The following MALT1 variants were observed in gnomAD, a reference collection of about 807,000 sequenced individuals.
The protein encoded by MALT1 is mucosa-associated lymphoid tissue lymphoma translocation protein 1.
Under a neutral mutation model 85.5 loss-of-function variants are expected in MALT1, and 36 were observed. That is an observed-to-expected ratio of 0.42 (90% confidence interval 0.32 to 0.56). The LOEUF (loss-of-function observed/expected upper bound fraction) is 0.56. Ranked by LOEUF, MALT1 falls within the 20% of genes least tolerant of loss-of-function variation. MALT1 has a pLI of 0.10. For missense variants in MALT1, 716 were observed against 981.6 expected, an observed-to-expected ratio of 0.73 and a Z score of 3.62; for synonymous variants, 359 against 361.3, an observed-to-expected ratio of 0.99 and a Z score of 0.07.
At chr18:58,680,640 TG>T (rs909562965) in intron 1 of MALT1, among the ~76,000 whole-genome samples, 1 of 152,224 alleles carries the variant, frequency 6.6e-6, no homozygotes, top group African/African-American at 2.4e-5. Context: ...ATCCTGTTTC[TG>T]GGTTTCTCAT....
rs779797395 is a variant in MALT1, at chr18:58,741,987, C to T, written c.1726C>T (p.Arg576Trp). 5.8e-6 allele frequency: 9 copies of T among 1,543,052 alleles called. No individual in the cohort carries two copies. The highest frequency in any genetic ancestry group is 1.3e-5 in the African/African-American group (1 of 74,206). The change falls in exon 14 of 17, where the codon CGG becomes TGG. Residue 576 changes from arginine (R) to tryptophan (W), a missense_variant. By Grantham distance (101) the Arg-to-Trp change is moderately radical. Transcript: ENST00000649217. ...GTEYSAESLV[R>W]NLQWAKAHEL... ...AGAATATTCTGCTGAATCTCTTGTG[C>T]GGAATCTACAGTGGGCCAAGGCTCA... is the stretch of plus-strand genomic sequence containing the variant.
At chr18:58,708,047 C>T (rs1180998018) in intron 4 of MALT1, among the ~76,000 whole-genome samples, 2 of 152,146 alleles carry the variant, frequency 1.3e-5, no homozygotes, top group Non-Finnish European at 2.9e-5. Flanking sequence ...CTCAGGGGGT[C>T]TGAGACCCCC....
Position 58,696,337 on chromosome 18 carries a change from ATTTTTTTTTTT to A in MALT1, c.377-13_377-3del. On this transcript the variant is annotated intron_variant, in intron 2 of 16. Coordinates refer to ENST00000649217, the MANE Select transcript of MALT1 (RefSeq NM_006785.4). Reference sequence around the variant, plus strand: ...AAGGAAAATCCCTCTTGTGACTTTAATTTTTTTTTTTTTTTTTTTTTTTTTTAGGAATAAAG... The same window carrying A: ...AAGGAAAATCCCTCTTGTGACTTTAATTTTTTTTTTTTTTTAGGAATAAAG... 4 of 990,746 alleles carry A rather than the reference ATTTTTTTTTTT, an allele frequency of 4.0e-6. No homozygotes were observed. The highest frequency in any genetic ancestry group is 2.9e-5 in the South Asian group (1 of 34,142). 61.4% of individuals were successfully genotyped at this position (990,746 alleles called of 1,614,324 possible). A position where few individuals can be genotyped will look rare whatever the true frequency, so the allele number is the denominator to read the frequency against.
chr18:58,698,847 G>T (rs754935754), intron 3 of MALT1, among the ~76,000 whole-genome samples: 1 of 152,198 alleles, frequency 6.6e-6, no homozygotes, highest in Non-Finnish European at 1.5e-5. Context: ...AAAGTTTGTG[G>T]TAATGTTGTT....
chr18:58,730,735 C>G (rs1338218137), intron 10 of MALT1, among the ~76,000 whole-genome samples: 1 of 152,184 alleles, frequency 6.6e-6, no homozygotes, highest in Admixed American at 6.5e-5. Flanking sequence ...CACCATTTTA[C>G]ATTTGTGCCA....
At chr18:58,734,591 T>C in intron 12 of MALT1, 1 of 502,944 alleles carries the variant, frequency 2.0e-6, no homozygotes. Flanking sequence ...GCCTGGCCCC[T>C]GAGGGTTTTT....
At chr18:58,702,109 A>G (rs2054680313) in intron 4 of MALT1, among the ~76,000 whole-genome samples, 1 of 151,910 alleles carries the variant, frequency 6.6e-6, no homozygotes, top group South Asian at 2.1e-4. Flanking sequence ...TCACACCTGT[A>G]ATCCCAGTAC....
In MALT1 at chr18:58,723,032, T is replaced by G. The variant is rs1555687704; in HGVS notation, c.1019-16T>G. On this transcript the variant is annotated splice_polypyrimidine_tract_variant and intron_variant, in intron 9 of 16. Coordinates refer to ENST00000649217, the MANE Select transcript of MALT1 (RefSeq NM_006785.4). ...TTATATCTTCTTTAAACACCCCCTTTCTTTTTTTTTCAAAGCGAAGGACAA... is the reference window on the plus strand; with the variant it reads ...TTATATCTTCTTTAAACACCCCCTTGCTTTTTTTTTCAAAGCGAAGGACAA... The G allele has an allele frequency of 3.8e-6, 6 of 1,595,218 alleles. No individual in the cohort carries two copies. In the Admixed American group the frequency reaches 5.0e-5, roughly 13 times the overall value.
intron 4 of MALT1, among the ~76,000 whole-genome samples, chr18:58,703,851 C>T (rs1041360192): frequency 1.3e-5 from 2 of 152,148 alleles, no homozygotes; most frequent in African/African-American, 2.4e-5. Context: ...TGTACAGATA[C>T]GTGTACAGTC....
intron 13 of MALT1, chr18:58,741,563 A>T (rs1441586487): frequency 5.4e-6 from 1 of 183,726 alleles, no homozygotes; most frequent in Non-Finnish European, 1.1e-5. Context: ...ATCCATATAC[A>T]TTAGTCTATC....
At chr18:58,740,054 T>A (rs1049209324) in intron 13 of MALT1, among the ~76,000 whole-genome samples, 6 of 152,250 alleles carry the variant, frequency 3.9e-5, no homozygotes, top group African/African-American at 1.4e-4. Context: ...TTGTACCATA[T>A]AGGCTTTTCA....
intron 13 of MALT1, chr18:58,741,641 A>C (rs2055302945): frequency 3.1e-6 from 1 of 325,054 alleles, no homozygotes; most frequent in Non-Finnish European, 5.6e-6. Flanking sequence ...GAATTCAAAA[A>C]CCTAAAACAT....
intron 10 of MALT1, among the ~76,000 whole-genome samples, chr18:58,729,489 C>CAA (rs72233465): frequency 6.2e-4 from 60 of 96,516 alleles, no homozygotes; most frequent in African/African-American, 2.2e-3. Context: ...AACTCCGTCT[C>CAA]AAAAAAAAAA....
At chr18:58,706,431 A>G (rs1033531944) in intron 4 of MALT1, among the ~76,000 whole-genome samples, 1 of 152,212 alleles carries the variant, frequency 6.6e-6, no homozygotes, top group South Asian at 2.1e-4. Flanking sequence ...CTGGGATTAC[A>G]GGCGTGAGCC....
At chr18:58,733,986 G>T in intron 11 of MALT1, 1 of 1,169,032 alleles carries the variant, frequency 8.6e-7, no homozygotes, top group Non-Finnish European at 1.1e-6. Context: ...TGGAGGTTTG[G>T]ATCCCATTTG....
At chr18:58,746,774 T>G (rs1424595220) in intron 16 of MALT1, among the ~76,000 whole-genome samples, 1 of 151,960 alleles carries the variant, frequency 6.6e-6, no homozygotes, top group Non-Finnish European at 1.5e-5. Context: ...GTCGCCTAGG[T>G]TGGAATGCAG....
chr18:58,722,012 G>A (rs2054990592), intron 9 of MALT1, among the ~76,000 whole-genome samples: 1 of 152,018 alleles, frequency 6.6e-6, no homozygotes, highest in Non-Finnish European at 1.5e-5. Flanking sequence ...CTACTATTAC[G>A]GGTGCTGCAC....
chr18:58,713,800 T>C (rs2144398484), intron 7 of MALT1, among the ~76,000 whole-genome samples: 1 of 152,334 alleles, frequency 6.6e-6, no homozygotes, highest in South Asian at 2.1e-4. Context: ...CTGTTTTTAA[T>C]TAGCCAGAAT....
In MALT1 at chr18:58,696,370, A is replaced by G; in HGVS notation, c.381A>G (p.Ile127Met). The change falls in exon 3 of 17, where the codon ATA (isoleucine) becomes ATG (methionine). Residue 127 changes from isoleucine to methionine, a missense_variant. Physicochemically the swap from Ile to Met is conservative, Grantham distance 10. This residue lies in a region of MALT1 where 290 missense variants were observed against 380.5 expected (regional missense o/e 0.76). Transcript: ENST00000649217. ...TTTTTTTTTTTTTTTTTTTAGGAAT[A>G]AAGATTACTGTAAACCCAGAGTCAA... ...EVLQLLSPPG[I>M]KITVNPESKA... 1.4e-6 allele frequency: 2 copies of G among 1,402,312 alleles called. No individual in the cohort carries two copies. The highest frequency in any genetic ancestry group is 1.9e-6 in the Non-Finnish European group (2 of 1,068,654). 86.9% of individuals were successfully genotyped at this position (1,402,312 alleles called of 1,614,324 possible).
Sources: gnomAD v4.1 joint callset for allele counts (sites outside exome capture counted in the v4.1 genomes callset) on GRCh38, gnomAD v4.1.1 for gene constraint, gnomAD v4.1.1 regional missense constraint, MANE v1.5 for transcripts, NCBI Gene and HGNC (gene_info 2026-07-23, HGNC 2026-07-21) for gene names.